Variants in TRPC5 observed in about 807,000 individuals in gnomAD.
TRPC5 encodes transient receptor potential cation channel subfamily C member 5, also known as short transient receptor potential channel 5.
TRPC5 carries 9 observed loss-of-function variants against 56.5 expected under a neutral mutation model. The ratio of observed to expected loss-of-function variants is 0.16; its 90% CI spans 0.10 to 0.28. TRPC5 has a LOEUF of 0.28. TRPC5 is among the 10% of genes least tolerant of loss of function. TRPC5 has a pLI of 1.00. For synonymous variants in TRPC5, 282 were observed against 278.5 expected, an observed-to-expected ratio of 1.01 and a Z score of -0.13; for missense variants, 469 against 748.9, an observed-to-expected ratio of 0.63 and a Z score of 4.36.
At chrX:111,792,057 C>G (rs1487674821) in intron 7 of TRPC5, among the ~76,000 whole-genome samples, 1 of 112,114 alleles carries the variant, frequency 8.9e-6, no homozygotes, top group Non-Finnish European at 1.9e-5. Context: ...GGAACCAACA[C>G]AAATGCCCAT....
intron 1 of TRPC5, among the ~76,000 whole-genome samples, chrX:112,018,007 T>A (rs1929174234): frequency 8.9e-6 from 1 of 112,693 alleles, no homozygotes; most frequent in Non-Finnish European, 1.9e-5. Flanking sequence ...TTTTGTATAC[T>A]GATTACATGT....
intron 1 of TRPC5, among the ~76,000 whole-genome samples, chrX:112,064,224 G>A (rs186815192): frequency 3.6e-5 from 4 of 111,723 alleles, no homozygotes; most frequent in East Asian, 2.8e-4. Context: ...TTAATACTCC[G>A]TGATTAATTT....
chrX:111,996,210 C>A (rs112107345), intron 1 of TRPC5, among the ~76,000 whole-genome samples: 1 of 111,921 alleles, frequency 8.9e-6, no homozygotes, highest in African/African-American at 3.3e-5. Context: ...TTTCAAAGAA[C>A]ATCTTTATTT....
intron 3 of TRPC5, among the ~76,000 whole-genome samples, chrX:111,906,530 A>C (rs1032550472): frequency 2.3e-4 from 26 of 111,488 alleles, no homozygotes; most frequent in African/African-American, 8.5e-4. Context: ...CGAAGTTTTT[A>C]ATGTAGGCAA....
intron 1 of TRPC5, among the ~76,000 whole-genome samples, chrX:111,994,014 T>A (rs190408824): frequency 5.2e-4 from 58 of 112,331 alleles, no homozygotes; most frequent in African/African-American, 1.7e-3. Flanking sequence ...TAGGTTTTCT[T>A]CTAGGGTTTT....
At chrX:111,968,111 T>A (rs1603122802) in intron 1 of TRPC5, among the ~76,000 whole-genome samples, 1 of 92,912 alleles carries the variant, frequency 1.1e-5, no homozygotes. Context: ...TACAATAAAC[T>A]CAAACAAATT....
At chrX:111,973,585 T>A (rs1303951220) in intron 1 of TRPC5, among the ~76,000 whole-genome samples, 3 of 111,708 alleles carry the variant, frequency 2.7e-5, no homozygotes, top group African/African-American at 9.8e-5. Context: ...TGGCTTATAG[T>A]GATGTTTCCA....
At chrX:111,856,466 G>A (rs1923231775) in intron 3 of TRPC5, among the ~76,000 whole-genome samples, 1 of 107,504 alleles carries the variant, frequency 9.3e-6, no homozygotes, top group Non-Finnish European at 1.9e-5. Context: ...TTGAACCCAG[G>A]AGGCAGAGGC....
At position 111,912,640 on chromosome X, in the gene TRPC5, C is replaced by A. The variant is rs1017382170; in HGVS notation, c.551G>T (p.Ser184Ile). ...IRCNCVECVS[S>I]SEVDSLRHSR... is the part of the protein sequence containing the mutation. ...GTGGCGCAGGCTGTCTACCTCTGAACTAGACACACACTCCACACAGTTGCA... is the reference window on the plus strand; with the variant it reads ...GTGGCGCAGGCTGTCTACCTCTGAAATAGACACACACTCCACACAGTTGCA... The change falls in exon 3 of 11, where the codon AGT becomes ATT. Residue 184 changes from serine to isoleucine, a missense_variant. Ser to Ile is a moderately radical substitution (Grantham distance 142). Around this residue, in one of 3 missense-constraint regions of TRPC5, gnomAD observed 118 missense variants for 167.1 expected, o/e 0.71. Transcript: ENST00000262839. 2 of 1,209,188 alleles carry A rather than the reference C, an allele frequency of 1.7e-6. No homozygotes were observed. Among genetic ancestry groups the A allele is most frequent in the African/African-American group, 3.5e-5 (2 of 56,846 alleles).
At chrX:112,069,443 A>G (rs1301928346) in intron 1 of TRPC5, among the ~76,000 whole-genome samples, 1 of 111,762 alleles carries the variant, frequency 8.9e-6, no homozygotes, top group Non-Finnish European at 1.9e-5. Flanking sequence ...GTCCCAGGAC[A>G]AAAGGTCAGG....
intron 1 of TRPC5, among the ~76,000 whole-genome samples, chrX:112,025,260 T>G (rs779857977): frequency 2.7e-5 from 3 of 112,055 alleles, no homozygotes; most frequent in Non-Finnish European, 3.8e-5. Context: ...GGATAAAATT[T>G]GGTATTTTAT....
At chrX:111,894,861 C>A (rs1257381697) in intron 3 of TRPC5, among the ~76,000 whole-genome samples, 1 of 111,578 alleles carries the variant, frequency 9.0e-6, no homozygotes, top group African/African-American at 3.3e-5. Context: ...CAGAAGGCTT[C>A]CTCATATCCC....
At position 111,771,327 on chromosome X, in the gene TRPC5, A is replaced by T. The variant is rs1276074727; in HGVS notation, c.*4986T>A. On this transcript the variant is annotated 3_prime_UTR_variant, in exon 11 of 11. Coordinates refer to ENST00000262839, the MANE Select transcript of TRPC5 (RefSeq NM_012471.3). ...GGCATTCCACTTAGTTTTATGTTTAAATATTATAATTCTTAATATGTATAT... is the reference window on the plus strand; with the variant it reads ...GGCATTCCACTTAGTTTTATGTTTATATATTATAATTCTTAATATGTATAT... Among the ~76,000 whole-genome samples the T allele has an allele frequency of 8.9e-6, 1 of 111,872 alleles. No individual in the cohort carries two copies. Among genetic ancestry groups the T allele is most frequent in the Non-Finnish European group, 1.9e-5 (1 of 53,174 alleles).
At chrX:111,828,898 G>A (rs1334643435) in intron 7 of TRPC5, among the ~76,000 whole-genome samples, 3 of 112,087 alleles carry the variant, frequency 2.7e-5, no homozygotes, top group Non-Finnish European at 5.6e-5. Flanking sequence ...GACACTTGGT[G>A]GCATTTTGCC....
chrX:112,069,707 G>A (rs1477103462), intron 1 of TRPC5, among the ~76,000 whole-genome samples: 1 of 111,960 alleles, frequency 8.9e-6, no homozygotes. Context: ...CCTGACTTCT[G>A]CTCTGCCTTT....
intron 1 of TRPC5, among the ~76,000 whole-genome samples, chrX:112,069,935 C>T (rs1930676747): frequency 8.9e-6 from 1 of 112,085 alleles, no homozygotes; most frequent in South Asian, 3.8e-4. Flanking sequence ...TAGCCCCCAT[C>T]CTTCAGCAGT....
At chrX:111,961,298 C>G (rs1230643622) in intron 1 of TRPC5, among the ~76,000 whole-genome samples, 1 of 111,837 alleles carries the variant, frequency 8.9e-6, no homozygotes, top group Non-Finnish European at 1.9e-5. Context: ...TAAATCTTTC[C>G]AGTCTTCTTC....
chrX:112,037,666 A>G (rs1315573749), intron 1 of TRPC5, among the ~76,000 whole-genome samples: 3 of 110,954 alleles, frequency 2.7e-5, no homozygotes, highest in African/African-American at 6.6e-5. Context: ...CTTTTCTACA[A>G]TCTCTGAACT....
chrX:111,906,077 G>C (rs199662414), intron 3 of TRPC5, among the ~76,000 whole-genome samples: 1 of 110,734 alleles, frequency 9.0e-6, no homozygotes, highest in Non-Finnish European at 1.9e-5. Context: ...TTAACAGGCC[G>C]GGCGCGGTGG....
Sources: gnomAD v4.1 joint callset for allele counts (sites outside exome capture counted in the v4.1 genomes callset) on GRCh38, gnomAD v4.1.1 for gene constraint, gnomAD v4.1.1 regional missense constraint, MANE v1.5 for transcripts, NCBI Gene and HGNC (gene_info 2026-07-23, HGNC 2026-07-21) for gene names.